The following USP25 variants were observed in gnomAD, a reference collection of about 807,000 sequenced individuals.
The protein encoded by USP25 is ubiquitin specific peptidase 25, also known as ubiquitin carboxyl-terminal hydrolase 25.
In USP25, 85 loss-of-function variants were observed where a neutral mutation model predicts 158.5. That is an observed-to-expected ratio of 0.54 (90% CI 0.45 to 0.64). The LOEUF (loss-of-function observed/expected upper bound fraction) is 0.64. Among genes scored for constraint, USP25 ranks in the 30% least tolerant of loss-of-function variants. The pLI is 0.00. For synonymous variants in USP25, 464 were observed against 460.4 expected, an observed-to-expected ratio of 1.01 and a Z score of -0.10; for missense variants, 1,242 against 1,327.3, an observed-to-expected ratio of 0.94 and a Z score of 1.00.
intron 1 of USP25, among the ~76,000 whole-genome samples, chr21:15,748,012 C>T (rs1367096345): frequency 6.6e-6 from 1 of 152,090 alleles, no homozygotes; most frequent in African/African-American, 2.4e-5. Context: ...CTTCCATGTC[C>T]TGTTTCACAA....
chr21:15,842,295 T>C, intron 17 of USP25, 103 bp from the exon 18 acceptor site: 1 of 1,265,974 alleles, frequency 7.9e-7, no homozygotes, highest in Non-Finnish European at 1.1e-6. Flanking sequence ...AAGACTAAAA[T>C]TGGTTCTTAC....
At chr21:15,862,183 A>G (rs567792059) in intron 20 of USP25, among the ~76,000 whole-genome samples, 3 of 152,146 alleles carry the variant, frequency 2.0e-5, no homozygotes, top group Non-Finnish European at 2.9e-5. Flanking sequence ...AGTATGATAT[A>G]CGAAATATTT....
Position 15,877,887 on chromosome 21 carries a change from C to T in USP25, c.3101C>T (p.Pro1034Leu). Residue 1034 changes from proline to leucine, a missense_variant, in exon 25 of 26, where the codon CCA becomes CTA. Pro to Leu is a moderately conservative substitution (Grantham distance 98). Coordinates refer to ENST00000400183, the MANE Select transcript of USP25 (RefSeq NM_001283041.3). ...GLIIMNEFIV[P>L]FLPLLLVDEM... is the part of the protein sequence containing the mutation. ...ATTATCATGAATGAGTTTATTGTCC[C>T]ATTTTTGCCATTATTACTGGTGGAT... 1 of 1,613,242 alleles carries T rather than the reference C, an allele frequency of 6.2e-7. No homozygotes were observed. The highest frequency in any genetic ancestry group is 8.5e-7 in the Non-Finnish European group (1 of 1,179,548).
rs1251873470 is a variant in USP25 at position 15,766,203 on chromosome 21, T to C, written c.268+62T>C. 2.0e-6 allele frequency: 3 copies of C among 1,487,726 alleles called. No homozygotes were observed. Among genetic ancestry groups the C allele is most frequent in the Non-Finnish European group, 2.7e-6 (3 of 1,121,172 alleles). 92.2% of individuals were successfully genotyped at this position (1,487,726 alleles called of 1,614,324 possible). On this transcript the variant is annotated intron_variant, in intron 3 of 25. Coordinates refer to ENST00000400183, the MANE Select transcript of USP25 (RefSeq NM_001283041.3). This position sits in a 1 kb window ranked among gnomAD's most constrained non-coding sequence, Gnocchi z 4.0. Reference sequence around the variant, plus strand: ...ACATACTGAAAAACTTTTCTTGGTGTAATATATTAATGTTGCTTAAGGAGA... The same window carrying C: ...ACATACTGAAAAACTTTTCTTGGTGCAATATATTAATGTTGCTTAAGGAGA...
chr21:15,808,546 T>TTGTGTGTGTGTG (rs35849786), intron 7 of USP25, among the ~76,000 whole-genome samples: 38 of 148,480 alleles, frequency 2.6e-4, no homozygotes, highest in African/African-American at 8.6e-4. Context: ...TGGTTTTTGA[T>TTGTGTGTGTGTG]TGTGTGTGTG....
At chr21:15,735,810 T>C (rs1309719492) in intron 1 of USP25, among the ~76,000 whole-genome samples, 5 of 152,206 alleles carry the variant, frequency 3.3e-5, no homozygotes, top group Non-Finnish European at 7.3e-5. Context: ...GCTGCTCATT[T>C]AGAGCAAATT....
At chr21:15,751,176 G>A in intron 1 of USP25, among the ~76,000 whole-genome samples, 1 of 152,140 alleles carries the variant, frequency 6.6e-6, no homozygotes, top group East Asian at 1.9e-4. Flanking sequence ...GGTTCTTGTT[G>A]GAGAGGTTGT....
intron 20 of USP25, among the ~76,000 whole-genome samples, chr21:15,861,934 T>TAGG (rs1178346573): frequency 6.6e-6 from 1 of 152,054 alleles, no homozygotes; most frequent in Non-Finnish European, 1.5e-5. Flanking sequence ...TTGTGAAAAT[T>TAGG]AGGAGAGTCT....
intron 19 of USP25, 95 bp downstream of exon 19, chr21:15,847,871 T>C (rs2038702275): frequency 1.4e-6 from 1 of 691,622 alleles, no homozygotes. Flanking sequence ...TTAATGTCTA[T>C]TGCCACATAA....
chr21:15,748,148 G>GGA (rs947786267), intron 1 of USP25, among the ~76,000 whole-genome samples: 50 of 152,226 alleles, frequency 3.3e-4, no homozygotes, highest in African/African-American at 1.2e-3. Flanking sequence ...TTTCCCCTCT[G>GGA]GAGAACCAGC....
Position 15,878,500 on chromosome 21 carries a change from T to C in USP25, c.*25T>C, listed in dbSNP as rs1434012306. 6.2e-7 allele frequency: 1 copy of C among 1,611,612 alleles called. No homozygotes were observed. Among genetic ancestry groups the C allele is most frequent in the Admixed American group, 1.7e-5 (1 of 59,724 alleles). On this transcript the variant is annotated 3_prime_UTR_variant, in exon 26 of 26. Coordinates refer to ENST00000400183, the MANE Select transcript of USP25 (RefSeq NM_001283041.3). ...AACTGCACACTTTCCCTGAACACAC[T>C]GTATAAACTCTTTTTAGTTCTTAAC...
chr21:15,738,814 C>G (rs998450652), intron 1 of USP25, among the ~76,000 whole-genome samples: 1 of 152,152 alleles, frequency 6.6e-6, no homozygotes, highest in Non-Finnish European at 1.5e-5. Flanking sequence ...AGTTAAAGAT[C>G]GACCCCTGAC....
At position 15,866,326 on chromosome 21, in the gene USP25, A is replaced by T. The variant is rs761306046; in HGVS notation, c.2787A>T (p.Val929=). The T allele has an allele frequency of 1.2e-6, 2 of 1,604,336 alleles. No individual in the cohort carries two copies. The highest frequency in any genetic ancestry group is 8.5e-7 in the Non-Finnish European group (1 of 1,175,512). ...TGGAAATGATAAAACCTGAAGAAGT[A>T]AACTTGGAGGAATATGAGGTAATGT... is the stretch of plus-strand genomic sequence containing the variant. ...AKLEMIKPEE[V]NLEEYEEWHQ... Residue 929 remains valine (V), a synonymous_variant, in exon 22 of 26, where the codon GTA becomes GTT. Coordinates refer to ENST00000400183, the MANE Select transcript of USP25 (RefSeq NM_001283041.3).
rs932089781 is a variant in USP25 at position 15,828,827 on chromosome 21, T to A, written c.1693+1624T>A. 1.5e-4 allele frequency among the ~76,000 whole-genome samples: 23 copies of A among 152,036 alleles called. 1 individual carries two copies. The highest frequency in any genetic ancestry group is 1.5e-3 in the Admixed American group (23 of 15,268). On this transcript the variant is annotated intron_variant, in intron 14 of 25. Transcript: ENST00000400183. ...CTAATTTTTGTATTTTTAGTAGAGA[T>A]GGGGTTTCACCATGTTGGCCAGGGT...
intron 1 of USP25, among the ~76,000 whole-genome samples, chr21:15,750,215 T>TG (rs1491098028): frequency 0.019 from 174 of 9,042 alleles, no homozygotes; most frequent in Middle Eastern, 0.083. Context: ...TGTGTGTATG[T>TG]TTTTTTTTTT....
rs1223280717 is a variant in USP25 at position 15,764,786 on chromosome 21, C to T, written c.124-1211C>T. Among the ~76,000 whole-genome samples, 3 of 152,158 alleles carry T rather than the reference C, an allele frequency of 2.0e-5. 1 individual carries two copies. The highest frequency in any genetic ancestry group is 6.8e-3 in the Middle Eastern group (2 of 294). ...CATTTTGGATGAGTCACTTAGGAAT[C>T]GTCTAATGATCATGACAGATAGCAT... On this transcript the variant is annotated intron_variant, in intron 2 of 25. Transcript: ENST00000400183.
At chr21:15,848,847 A>C (rs1005776787) in intron 19 of USP25, among the ~76,000 whole-genome samples, 2 of 152,204 alleles carry the variant, frequency 1.3e-5, no homozygotes, top group Non-Finnish European at 2.9e-5. Flanking sequence ...CAAAGTAAAT[A>C]CAATGAGTAA....
intron 20 of USP25, among the ~76,000 whole-genome samples, chr21:15,856,527 A>G (rs956406927): frequency 2.1e-3 from 319 of 150,712 alleles, no homozygotes; most frequent in African/African-American, 5.9e-3. Flanking sequence ...GCTGGAGTGC[A>G]GTGGCGCAGT....
At chr21:15,866,136 A>C in intron 21 of USP25, 130 bp from the exon 22 acceptor site, 1 of 418,518 alleles carries the variant, frequency 2.4e-6, no homozygotes, top group Non-Finnish European at 4.0e-6. Context: ...GTTATTTAGG[A>C]GTTGTTTCTA....
Sources: allele counts gnomAD v4.1 joint callset (sites outside exome capture counted in the v4.1 genomes callset), GRCh38; gene constraint gnomAD v4.1.1; non-coding constraint Gnocchi (gnomAD v3.1); transcripts MANE v1.5; gene names NCBI Gene and HGNC (gene_info 2026-07-23, HGNC 2026-07-21).